MPP7: variants seen among roughly 807,000 people sequenced by gnomAD.
The protein encoded by MPP7 is MAGUK p55 subfamily member 7.
Under a neutral mutation model 76.5 loss-of-function variants are expected in MPP7, and 60 were observed. The observed-to-expected ratio is 0.78, with a 90% CI of 0.64 to 0.97. MPP7 has a LOEUF of 0.97. MPP7 is among the 50% of genes least tolerant of loss of function. The pLI is 0.00. For synonymous variants in MPP7, 237 were observed against 244.5 expected, an observed-to-expected ratio of 0.97 and a Z score of 0.29; for missense variants, 641 against 694.0, an observed-to-expected ratio of 0.92 and a Z score of 0.86.
At chr10:28,072,448 G>A (rs181684255) in intron 12 of MPP7, among the ~76,000 whole-genome samples, 75 of 152,134 alleles carry the variant, frequency 4.9e-4, no homozygotes, top group Admixed American at 3.3e-3. Context: ...TCTATAGAAG[G>A]GTCAAGTCTA....
At chr10:28,058,956 C>A (rs61213930) in intron 14 of MPP7, among the ~76,000 whole-genome samples, 1 of 152,124 alleles carries the variant, frequency 6.6e-6, no homozygotes, top group Non-Finnish European at 1.5e-5. Context: ...TTGCACGCTA[C>A]GGAGTAACCC....
At chr10:28,130,625 T>C (rs1414581398) in intron 6 of MPP7, among the ~76,000 whole-genome samples, 1 of 152,222 alleles carries the variant, frequency 6.6e-6, no homozygotes, top group East Asian at 1.9e-4. Context: ...AAGATATCTT[T>C]GACTCTTAAT....
chr10:28,169,008 C>G (rs563927266), intron 3 of MPP7, among the ~76,000 whole-genome samples: 2 of 152,156 alleles, frequency 1.3e-5, no homozygotes, highest in Non-Finnish European at 2.9e-5. Flanking sequence ...ACTTACAAGT[C>G]TGTAACAAGG....
intron 2 of MPP7, among the ~76,000 whole-genome samples, chr10:28,208,888 T>A (rs1200163154): frequency 6.6e-6 from 1 of 152,066 alleles, no homozygotes; most frequent in East Asian, 1.9e-4. Context: ...TAATCCCAAA[T>A]TGGGACCTGG....
intron 1 of MPP7, among the ~76,000 whole-genome samples, chr10:28,239,375 G>A (rs1839191536): frequency 1.3e-5 from 2 of 151,628 alleles, no homozygotes; most frequent in Non-Finnish European, 2.9e-5. Context: ...TTGAACTCCT[G>A]ACCTCAGGTC....
At chr10:28,309,372 C>A (rs992846952) in intron 2 of MPP7, among the ~76,000 whole-genome samples, 11 of 151,216 alleles carry the variant, frequency 7.3e-5, no homozygotes, top group African/African-American at 2.7e-4. Context: ...CAAGATCCCA[C>A]CACTCTACTC....
At chr10:28,171,735 C>T (rs764929332) in intron 3 of MPP7, among the ~76,000 whole-genome samples, 8 of 152,172 alleles carry the variant, frequency 5.3e-5, no homozygotes, top group Non-Finnish European at 1.2e-4. Context: ...AAAGCACACC[C>T]TCTGTGTAAA....
At chr10:28,289,555 C>T (rs1271288914) in intron 1 of MPP7, among the ~76,000 whole-genome samples, 1 of 151,980 alleles carries the variant, frequency 6.6e-6, no homozygotes, top group African/African-American at 2.4e-5. Flanking sequence ...TATTTTTTTG[C>T]GTGTTTAAGA....
chr10:28,238,843 C>T (rs1012145730), intron 1 of MPP7, 108 bp from the exon 2 acceptor site: 13 of 487,262 alleles, frequency 2.7e-5, no homozygotes, highest in Non-Finnish European at 4.3e-5. Context: ...GGAGAGATCG[C>T]AACTCTTCAG....
intron 1 of MPP7, among the ~76,000 whole-genome samples, chr10:28,246,917 T>C (rs1839453389): frequency 6.6e-6 from 1 of 152,144 alleles, no homozygotes; most frequent in African/African-American, 2.4e-5. Flanking sequence ...TAATGACAAG[T>C]CCATCAGCTC....
chr10:28,147,532 T>C lies in MPP7; in HGVS notation c.266A>G (p.Asn89Ser). ...TTTCAACAGCTCTCTGATCTCACTG[T>C]TTAATGGCTTGTTCTGAAGCTCTTC... ...LAEELQNKPLNSEIRELLKLL... is the reference protein window; with the variant it reads ...LAEELQNKPLSSEIRELLKLL... Residue 89 changes from asparagine (N) to serine (S), a missense_variant, in exon 5 of 17, where the codon AAC (asparagine) becomes AGC (serine). Physicochemically the swap from Asn to Ser is conservative, Grantham distance 46 (BLOSUM62 1). Transcript: ENST00000683449. 1.2e-6 allele frequency: 2 copies of C among 1,614,112 alleles called. No homozygotes were observed. The highest frequency in any genetic ancestry group is 1.7e-6 in the Non-Finnish European group (2 of 1,179,952).
chr10:28,280,788 G>C (rs1220291624), intron 1 of MPP7, among the ~76,000 whole-genome samples: 1 of 152,034 alleles, frequency 6.6e-6, no homozygotes, highest in Non-Finnish European at 1.5e-5. Context: ...GCCAGACAAA[G>C]GTCACATGCG....
At chr10:28,098,853 A>G (rs977116390) in intron 11 of MPP7, among the ~76,000 whole-genome samples, 3 of 152,022 alleles carry the variant, frequency 2.0e-5, no homozygotes, top group African/African-American at 7.2e-5. Context: ...ATATAATATA[A>G]GAAGTTAAGA....
intron 2 of MPP7, among the ~76,000 whole-genome samples, chr10:28,309,338 C>T (rs931290239): frequency 1.3e-5 from 2 of 150,654 alleles, no homozygotes; most frequent in African/African-American, 2.4e-5. Context: ...TGCTTGAACC[C>T]GAGATGTGGA....
intron 6 of MPP7, among the ~76,000 whole-genome samples, chr10:28,127,510 G>A (rs1012532351): frequency 1.3e-5 from 2 of 152,188 alleles, no homozygotes; most frequent in African/African-American, 4.8e-5. Flanking sequence ...CAATCATGGT[G>A]GAAGGCAAGG....
chr10:28,087,008 T>C (rs559842791), intron 12 of MPP7, among the ~76,000 whole-genome samples: 44 of 152,232 alleles, frequency 2.9e-4, no homozygotes, highest in African/African-American at 9.9e-4. Context: ...CCCCCCAAAT[T>C]GCGTGTTGAA....
intron 1 of MPP7, among the ~76,000 whole-genome samples, chr10:28,259,490 G>A (rs1839883334): frequency 6.6e-6 from 1 of 151,980 alleles, no homozygotes; most frequent in South Asian, 2.1e-4. Flanking sequence ...TGAGGAGGGA[G>A]AATCACTTGA....
At chr10:28,106,748 A>G (rs541297924) in intron 11 of MPP7, among the ~76,000 whole-genome samples, 126 of 152,082 alleles carry the variant, frequency 8.3e-4, no homozygotes, top group African/African-American at 2.9e-3. Context: ...TCTGCTGTCA[A>G]CTCTGTCACT....
chr10:28,224,660 A>G (rs772448192), intron 2 of MPP7, among the ~76,000 whole-genome samples: 2 of 152,188 alleles, frequency 1.3e-5, no homozygotes, highest in Non-Finnish European at 2.9e-5. Flanking sequence ...CATTTAACGT[A>G]GATTAATTTT....
Sources: gnomAD v4.1 joint callset for allele counts (sites outside exome capture counted in the v4.1 genomes callset) on GRCh38, gnomAD v4.1.1 for gene constraint, MANE v1.5 for transcripts, NCBI Gene and HGNC (gene_info 2026-07-23, HGNC 2026-07-21) for gene names.